The following TMEM232 variants were observed in gnomAD, a reference collection of about 807,000 sequenced individuals.
TMEM232 encodes transmembrane protein 232.
Under a neutral mutation model 78.8 loss-of-function variants are expected in TMEM232, and 80 were observed. The ratio of observed to expected loss-of-function variants is 1.01; its 90% CI spans 0.85 to 1.22. The LOEUF (loss-of-function observed/expected upper bound fraction) is 1.22. Ranked by LOEUF, TMEM232 falls within the 50% of genes most tolerant of loss-of-function variation. TMEM232 has a pLI of 0.00. For synonymous variants in TMEM232, 297 were observed against 254.3 expected (o/e 1.17, Z -1.60); for missense variants, 881 against 742.2 (o/e 1.19, Z -2.17).
At chr5:110,726,206 TAAA>T (rs1396380449) in intron 1 of TMEM232, among the ~76,000 whole-genome samples, 5 of 150,448 alleles carry the variant, frequency 3.3e-5, no homozygotes, top group Non-Finnish European at 7.4e-5. Flanking sequence ...AAATAATAAA[TAAA>T]TAAAAATCAA....
At chr5:110,407,583 A>T (rs1328710925) in intron 2 of TMEM232, among the ~76,000 whole-genome samples, 7 of 152,196 alleles carry the variant, frequency 4.6e-5, no homozygotes, top group African/African-American at 1.4e-4. Context: ...ATAGTAGTAT[A>T]GGGCTTTAAC....
At position 110,712,925 on chromosome 5, in the gene TMEM232, GGGAAATTAGTA is replaced by G; in HGVS notation, c.-13+13691_-13+13701del. On this transcript the variant is annotated intron_variant, in intron 1 of 13. Transcript: ENST00000455884. ...ACTGCTGTGTATATACCCCAAAGAAGGGAAATTAGTATATCAAAAAGATATCTGCACTCTCA... is the reference window on the plus strand; with the variant it reads ...ACTGCTGTGTATATACCCCAAAGAAGTATCAAAAAGATATCTGCACTCTCA... 8.5e-5 allele frequency among the ~76,000 whole-genome samples: 13 copies of G among 152,074 alleles called. 2 individuals are homozygous for G. The highest frequency in any genetic ancestry group is 5.8e-4 in the East Asian group (3 of 5,176).
intron 2 of TMEM232, among the ~76,000 whole-genome samples, chr5:110,406,263 T>TACACACAC (rs770672662): frequency 0.026 from 1,332 of 51,576 alleles, 13 homozygotes; most frequent in South Asian, 0.053. Context: ...CACAGATATA[T>TACACACAC]ATACACACAC....
chr5:110,667,047 G>A (rs190168916), intron 2 of TMEM232, among the ~76,000 whole-genome samples, 181 bp downstream of exon 2: 8 of 151,908 alleles, frequency 5.3e-5, no homozygotes, highest in African/African-American at 1.4e-4. Flanking sequence ...CAAACAAAAC[G>A]TGTAGAATTC....
At chr5:110,486,212 A>C (rs953137927) in intron 12 of TMEM232, among the ~76,000 whole-genome samples, 7 of 149,966 alleles carry the variant, frequency 4.7e-5, no homozygotes, top group Admixed American at 1.3e-4. Context: ...TAGATTCTGG[A>C]TATTAGTCCT....
intron 2 of TMEM232, among the ~76,000 whole-genome samples, chr5:110,412,937 T>C (rs981256089): frequency 6.6e-6 from 1 of 152,208 alleles, no homozygotes; most frequent in African/African-American, 2.4e-5. Flanking sequence ...AAGTTGCTTG[T>C]TTCATCATCC....
intron 1 of TMEM232, among the ~76,000 whole-genome samples, chr5:110,737,217 G>A (rs1008646504): frequency 6.6e-6 from 1 of 151,960 alleles, no homozygotes; most frequent in Non-Finnish European, 1.5e-5. Flanking sequence ...CGAGATAGGT[G>A]CTTAATAAAT....
intron 1 of TMEM232, among the ~76,000 whole-genome samples, chr5:110,717,325 T>C (rs1346205844): frequency 1.3e-5 from 2 of 152,122 alleles, no homozygotes; most frequent in South Asian, 2.1e-4. Flanking sequence ...GAATCCAAGA[T>C]CTGAATGAGT....
At chr5:110,683,277 C>T (rs1305082744) in intron 1 of TMEM232, among the ~76,000 whole-genome samples, 1 of 151,922 alleles carries the variant, frequency 6.6e-6, no homozygotes, top group Non-Finnish European at 1.5e-5. Context: ...GATTTATTAA[C>T]CTTTGTGCAT....
At chr5:110,468,111 AGAT>A (rs1453109996) in intron 12 of TMEM232, among the ~76,000 whole-genome samples, 1 of 152,080 alleles carries the variant, frequency 6.6e-6, no homozygotes, top group Non-Finnish European at 1.5e-5. Flanking sequence ...AGAAAAAAAA[AGAT>A]AGATACATTA....
At chr5:110,489,520 A>G (rs1395499588) in intron 12 of TMEM232, among the ~76,000 whole-genome samples, 1 of 152,106 alleles carries the variant, frequency 6.6e-6, no homozygotes, top group Non-Finnish European at 1.5e-5. Context: ...CCTGATAAAC[A>G]GTATATGTGA....
At chr5:110,428,545 C>G (rs1282689886) in intron 12 of TMEM232, among the ~76,000 whole-genome samples, 2 of 151,662 alleles carry the variant, frequency 1.3e-5, no homozygotes, top group African/African-American at 4.8e-5. Flanking sequence ...GTGACAACAG[C>G]AAACACATCA....
intron 12 of TMEM232, among the ~76,000 whole-genome samples, chr5:110,453,544 G>A (rs1285255399): frequency 6.6e-6 from 1 of 151,936 alleles, no homozygotes; most frequent in Non-Finnish European, 1.5e-5. Flanking sequence ...CTCATGATCC[G>A]CCTGCCTCTG....
chr5:110,524,411 G>GAAAGAAAGAAAGAAAAGA (rs1554098914), intron 12 of TMEM232, among the ~76,000 whole-genome samples: 9 of 61,426 alleles, frequency 1.5e-4, no homozygotes, highest in Admixed American at 6.7e-4. Context: ...AAGAAAGAAA[G>GAAAGAAAGAAAGAAAAGA]AAAGAAAAGA....
intron 1 of TMEM232, among the ~76,000 whole-genome samples, chr5:110,677,104 T>C (rs900968987): frequency 6.6e-6 from 1 of 152,286 alleles, no homozygotes; most frequent in Non-Finnish European, 1.5e-5. Context: ...TAAGGTGATA[T>C]CTCATTGTGG....
intron 7 of TMEM232, among the ~76,000 whole-genome samples, chr5:110,621,992 G>A (rs1783811490): frequency 6.6e-6 from 1 of 152,140 alleles, no homozygotes; most frequent in Non-Finnish European, 1.5e-5. Context: ...AATGAGCTTT[G>A]AAGCATGGGC....
chr5:110,597,799 C>T (rs1374403308), intron 10 of TMEM232, among the ~76,000 whole-genome samples: 5 of 152,146 alleles, frequency 3.3e-5, no homozygotes, highest in Non-Finnish European at 7.4e-5. Flanking sequence ...GCTGGGAAAA[C>T]TGGCTAGCCA....
At chr5:110,596,745 C>A (rs563860580) in intron 10 of TMEM232, among the ~76,000 whole-genome samples, 6 of 152,236 alleles carry the variant, frequency 3.9e-5, no homozygotes, top group African/African-American at 9.6e-5. Flanking sequence ...AGCATATAAA[C>A]AGAGCCAAAG....
intron 11 of TMEM232, among the ~76,000 whole-genome samples, chr5:110,567,440 G>C (rs1382591349): frequency 6.6e-6 from 1 of 151,520 alleles, no homozygotes; most frequent in African/African-American, 2.4e-5. Context: ...TTGGGATACA[G>C]CATTGAAAAA....
Sources: gnomAD v4.1 joint callset for allele counts (sites outside exome capture counted in the v4.1 genomes callset) on GRCh38, gnomAD v4.1.1 for gene constraint, MANE v1.5 for transcripts, NCBI Gene and HGNC (gene_info 2026-07-23, HGNC 2026-07-21) for gene names.